The following NRG3 variants were observed in gnomAD, a reference collection of about 807,000 sequenced individuals.
NRG3 encodes the protein neuregulin 3.
Under a neutral mutation model 66.9 loss-of-function variants are expected in NRG3, and 31 were observed. That is an observed-to-expected ratio of 0.46 (90% CI 0.35 to 0.63). NRG3 has a LOEUF of 0.63. NRG3 is among the 20% of genes least tolerant of loss of function. The pLI is 0.00. For synonymous variants in NRG3, 393 were observed against 359.4 expected (o/e 1.09, Z -1.06); for missense variants, 910 against 878.9 (o/e 1.04, Z -0.45).
intron 2 of NRG3, among the ~76,000 whole-genome samples, chr10:82,494,715 A>T (rs1843458028): frequency 1.3e-5 from 2 of 152,140 alleles, no homozygotes; most frequent in African/African-American, 4.8e-5. Context: ...GAAAGAATTG[A>T]ACTAGTTTGC....
intron 3 of NRG3, among the ~76,000 whole-genome samples, chr10:82,832,674 T>C (rs2062585791): frequency 6.6e-6 from 1 of 152,180 alleles, no homozygotes; most frequent in Non-Finnish European, 1.5e-5. Flanking sequence ...TAAATAACTT[T>C]GCAATCATAT....
chr10:82,903,824 A>G (rs963913677), intron 4 of NRG3, among the ~76,000 whole-genome samples: 3 of 152,122 alleles, frequency 2.0e-5, no homozygotes, highest in African/African-American at 7.2e-5. Context: ...CTGAATTTTC[A>G]ACTGTACAGG....
intron 1 of NRG3, among the ~76,000 whole-genome samples, chr10:81,898,464 CA>C (rs1843726679): frequency 6.6e-6 from 1 of 152,182 alleles, no homozygotes; most frequent in Admixed American, 6.5e-5. Flanking sequence ...CTCTCATCTC[CA>C]GGGTTGGCTG....
chr10:82,422,983 C>T (rs1332679129), intron 2 of NRG3, among the ~76,000 whole-genome samples: 1 of 151,850 alleles, frequency 6.6e-6, no homozygotes, highest in African/African-American at 2.4e-5. Flanking sequence ...GTTACTTACC[C>T]CATATAGTTT....
intron 1 of NRG3, among the ~76,000 whole-genome samples, chr10:82,177,525 T>C (rs923386151): frequency 5.3e-5 from 8 of 152,308 alleles, no homozygotes; most frequent in East Asian, 3.9e-4. Context: ...TAGAGCATAA[T>C]CCAACTAAAC....
At chr10:81,982,653 G>A (rs1001474630) in intron 1 of NRG3, among the ~76,000 whole-genome samples, 1 of 152,112 alleles carries the variant, frequency 6.6e-6, no homozygotes, top group Non-Finnish European at 1.5e-5. Flanking sequence ...CTGTTCCCAC[G>A]TGATCTTTCC....
chr10:82,041,659 A>G (rs528910776), intron 1 of NRG3, among the ~76,000 whole-genome samples: 4 of 152,130 alleles, frequency 2.6e-5, no homozygotes, highest in Admixed American at 2.0e-4. Flanking sequence ...GGGGGCTAAT[A>G]AGTCACAAAG....
chr10:82,545,019 A>T (rs1307827424), intron 2 of NRG3, among the ~76,000 whole-genome samples: 1 of 152,128 alleles, frequency 6.6e-6, no homozygotes, highest in African/African-American at 2.4e-5. Context: ...TACTTAAGAG[A>T]TGCTGATATT....
At chr10:82,983,662 G>T (rs911219981) in intron 8 of NRG3, among the ~76,000 whole-genome samples, 26 of 152,072 alleles carry the variant, frequency 1.7e-4, no homozygotes, top group South Asian at 2.1e-4. Context: ...AAACTACAAG[G>T]TTTTTTAAAA....
intron 8 of NRG3, chr10:82,984,790 G>T: frequency 6.4e-7 from 1 of 1,551,696 alleles, no homozygotes; most frequent in Non-Finnish European, 8.7e-7. Context: ...TAGGATAGAG[G>T]TCAGGAAGAC....
chr10:82,557,887 G>A (rs1002055003), intron 2 of NRG3, among the ~76,000 whole-genome samples: 5 of 152,152 alleles, frequency 3.3e-5, no homozygotes, highest in African/African-American at 1.2e-4. Flanking sequence ...AGCTGGCTTT[G>A]CACCCAGAAG....
At chr10:82,021,014 C>G (rs1298922975) in intron 1 of NRG3, among the ~76,000 whole-genome samples, 1 of 151,962 alleles carries the variant, frequency 6.6e-6, no homozygotes, top group Non-Finnish European at 1.5e-5. Context: ...CTTTAATCAT[C>G]TGGTGGAAGT....
At chr10:82,806,783 C>A (rs1214658437) in intron 3 of NRG3, among the ~76,000 whole-genome samples, 1 of 152,150 alleles carries the variant, frequency 6.6e-6, no homozygotes, top group Admixed American at 6.6e-5. Flanking sequence ...GTGCATAGTA[C>A]TTAGGTAAGT....
intron 1 of NRG3, among the ~76,000 whole-genome samples, chr10:82,317,254 C>T (rs919838755): frequency 6.7e-6 from 1 of 149,532 alleles, no homozygotes; most frequent in Non-Finnish European, 1.5e-5. Context: ...TTCAATGATA[C>T]AACAGTAATC....
chr10:82,762,068 T>A (rs957167185), intron 3 of NRG3, among the ~76,000 whole-genome samples: 2 of 151,646 alleles, frequency 1.3e-5, no homozygotes, highest in African/African-American at 2.4e-5. Flanking sequence ...TTCTTTCTTT[T>A]TTTTTGATAG....
At chr10:82,345,884 A>G (rs1369927670) in intron 1 of NRG3, among the ~76,000 whole-genome samples, 1 of 151,616 alleles carries the variant, frequency 6.6e-6, no homozygotes, top group Non-Finnish European at 1.5e-5. Context: ...TTGGTGTATA[A>G]GAATGCTTGT....
intron 1 of NRG3, among the ~76,000 whole-genome samples, chr10:82,293,182 G>A (rs562303913): frequency 1.2e-4 from 19 of 152,220 alleles, no homozygotes; most frequent in African/African-American, 4.1e-4. Flanking sequence ...CTCAGCCTCC[G>A]TCCCAGATGG....
At chr10:82,660,196 C>CAAAAAAAAAAAAAAAAAAAA (rs58870828) in intron 2 of NRG3, among the ~76,000 whole-genome samples, 3 of 19,562 alleles carry the variant, frequency 1.5e-4, no homozygotes, top group Admixed American at 1.2e-3. Context: ...AACTCCCTCT[C>CAAAAAAAAAAAAAAAAAAAA]AAAAAAAAAA....
chr10:82,884,980 T>C (rs1431163759), intron 4 of NRG3, among the ~76,000 whole-genome samples: 2 of 152,232 alleles, frequency 1.3e-5, no homozygotes, highest in African/African-American at 2.4e-5. Flanking sequence ...GAGGACATAC[T>C]GAGATGGGCG....
Sources: allele counts gnomAD v4.1 joint callset (sites outside exome capture counted in the v4.1 genomes callset), GRCh38; gene constraint gnomAD v4.1.1; transcripts MANE v1.5; gene names NCBI Gene and HGNC (gene_info 2026-07-23, HGNC 2026-07-21).